The following GSDMC variants were observed in gnomAD, a reference collection of about 807,000 sequenced individuals.
GSDMC encodes the protein gasdermin-C.
GSDMC carries 59 observed loss-of-function variants against 58.0 expected under a neutral mutation model. The ratio of observed to expected loss-of-function variants is 1.02; its 90% confidence interval spans 0.82 to 1.26. The LOEUF (loss-of-function observed/expected upper bound fraction) is 1.26, where lower values mean the gene tolerates loss of function less well. Among genes scored for constraint, GSDMC ranks in the 50% most tolerant of loss-of-function variants. GSDMC has a pLI of 0.00. For missense variants in GSDMC, 659 were observed against 598.5 expected (o/e 1.10, Z -1.06); for synonymous variants, 241 against 220.2 (o/e 1.09, Z -0.83).
At chr8:129,760,792 A>G (rs1264607530) in intron 5 of GSDMC, among the ~76,000 whole-genome samples, 2 of 152,104 alleles carry the variant, frequency 1.3e-5, no homozygotes, top group Non-Finnish European at 2.9e-5. Context: ...TTGCCATCCA[A>G]CTTTTGGAAA....
chr8:129,764,068 A>C (rs1197885703), intron 4 of GSDMC, among the ~76,000 whole-genome samples: 1 of 152,234 alleles, frequency 6.6e-6, no homozygotes, highest in Non-Finnish European at 1.5e-5. Flanking sequence ...ATAAAATATT[A>C]TCTCTTAAAG....
At chr8:129,751,258 G>T (rs2033178914) in intron 10 of GSDMC, among the ~76,000 whole-genome samples, 1 of 152,168 alleles carries the variant, frequency 6.6e-6, no homozygotes, top group Non-Finnish European at 1.5e-5. Flanking sequence ...TCTCCCAGGA[G>T]ACATCTGGCT....
At chr8:129,738,463 T>A in the GSDMC span, among the ~76,000 whole-genome samples, 15 of 152,316 alleles carry the variant, frequency 9.8e-5, no homozygotes, top group East Asian at 2.7e-3. Context: ...CAACATGGAA[T>A]ACTATGCAGC....
chr8:129,736,999 GACAA>G, the GSDMC span, among the ~76,000 whole-genome samples: 13 of 152,094 alleles, frequency 8.5e-5, no homozygotes, highest in South Asian at 4.2e-4. Flanking sequence ...ACCAATAACA[GACAA>G]ACAAAGAGCC....
At chr8:129,728,908 A>G in the GSDMC span, 2 of 661,980 alleles carry the variant, frequency 3.0e-6, no homozygotes, top group African/African-American at 3.5e-5. Flanking sequence ...GCAGGGTCTG[A>G]AGCCCATTTG....
chr8:129,731,631 A>G, the GSDMC span, among the ~76,000 whole-genome samples: 1 of 152,154 alleles, frequency 6.6e-6, no homozygotes, highest in African/African-American at 2.4e-5. Flanking sequence ...TTGGAAGAGG[A>G]CAGTCTTTTT....
chr8:129,761,845 C>G (rs974074605), intron 5 of GSDMC, among the ~76,000 whole-genome samples: 2 of 152,160 alleles, frequency 1.3e-5, no homozygotes, highest in Non-Finnish European at 2.9e-5. Context: ...TCTATGGCCA[C>G]TGATGGGAGG....
the GSDMC span, among the ~76,000 whole-genome samples, chr8:129,723,736 A>T: frequency 2.0e-5 from 3 of 152,230 alleles, no homozygotes; most frequent in Non-Finnish European, 4.4e-5. Context: ...ACTTGAATCA[A>T]GGGCAGTTGC....
intron 11 of GSDMC, 77 bp downstream of exon 11, chr8:129,750,354 G>A (rs1428050146): frequency 7.2e-7 from 1 of 1,391,470 alleles, no homozygotes; most frequent in Non-Finnish European, 9.8e-7. Flanking sequence ...CCTCCTCCAT[G>A]TAACTTGGGA....
the GSDMC span, among the ~76,000 whole-genome samples, chr8:129,743,145 TTGG>T: frequency 6.6e-6 from 1 of 152,142 alleles, no homozygotes; most frequent in African/African-American, 2.4e-5. Context: ...TCTGTGGAGT[TTGG>T]TTTTTATTAC....
Position 129,776,089 on chromosome 8 carries a change from C to T in GSDMC, c.404+13G>A. The T allele has an allele frequency of 6.2e-7, 1 of 1,606,106 alleles. No individual in the cohort carries two copies. Among genetic ancestry groups the T allele is most frequent in the Non-Finnish European group, 8.5e-7 (1 of 1,174,278 alleles). On this transcript the variant is annotated intron_variant, in intron 3 of 13. Transcript: ENST00000276708. ...TACTGATGATCCATCCCCTTCCTCT[C>T]CCATGGCCTCACCTTTTTTGAAAGT... is the stretch of plus-strand genomic sequence containing the variant.
At chr8:129,757,141 A>G (rs1379001138) in intron 6 of GSDMC, among the ~76,000 whole-genome samples, 1 of 152,016 alleles carries the variant, frequency 6.6e-6, no homozygotes, top group Non-Finnish European at 1.5e-5. Flanking sequence ...AGATATACAA[A>G]ATTGACAAAA....
At chr8:129,717,210 C>A in the GSDMC span, among the ~76,000 whole-genome samples, 3 of 148,386 alleles carry the variant, frequency 2.0e-5, no homozygotes, top group Non-Finnish European at 4.4e-5. Context: ...TTCTCTTTTA[C>A]CTCTGGTAGA....
At chr8:129,729,721 T>C in the GSDMC span, 33 of 546,472 alleles carry the variant, frequency 6.0e-5, no homozygotes, top group South Asian at 5.7e-4. Flanking sequence ...TGATGGACAT[T>C]TGGGTTGGTT....
At chr8:129,749,376 T>C (rs2033075489) in intron 13 of GSDMC, 76 bp downstream of exon 13, 2 of 1,078,270 alleles carry the variant, frequency 1.9e-6, no homozygotes, top group South Asian at 1.3e-5. Flanking sequence ...TCATCTCTCT[T>C]TCCTCAGAAT....
chr8:129,721,811 T>A, the GSDMC span, among the ~76,000 whole-genome samples: 11 of 152,222 alleles, frequency 7.2e-5, no homozygotes, highest in East Asian at 2.1e-3. Context: ...AGAGGATACC[T>A]CACTCATGGT....
rs79403769 is a variant in GSDMC at position 129,776,220 on chromosome 8, C to T, written c.286G>A (p.Gly96Ser). The change falls in exon 3 of 14, where the codon GGT becomes AGT. Residue 96 changes from glycine (G) to serine (S), a missense_variant. Transcript: ENST00000276708. ...CTCACTTCTATACCAACATTCACAC[C>T]CATGTCAGCCTTATGCTTCTGGATC... ...IMIQKHKADM[G>S]VNVGIEVSVS... 4.3e-6 allele frequency: 7 copies of T among 1,613,780 alleles called. No homozygotes were observed. The highest frequency in any genetic ancestry group is 3.3e-5 in the South Asian group (3 of 91,072).
In GSDMC at chr8:129,777,569, G is replaced by T. The variant is rs369692449; in HGVS notation, c.19C>A (p.Arg7Ser). The T allele has an allele frequency of 1.3e-6, 2 of 1,596,972 alleles. No individual in the cohort carries two copies. Among genetic ancestry groups the T allele is most frequent in the African/African-American group, 2.7e-5 (2 of 74,600 alleles). The change falls in exon 2 of 14, where the codon CGC becomes AGC. Residue 7 changes from arginine to serine, a missense_variant. By Grantham distance (110) the Arg-to-Ser change is moderately radical. Transcript: ENST00000276708. ...TCTTTGACCAAATTTTTGCTAATGC[G>T]TTCCAACATGGAGGGCATGTTGCTA... MPSMLE[R>S]ISKNLVKEIG... is the part of the protein sequence containing the mutation.
chr8:129,756,873 C>G (rs750545810), intron 6 of GSDMC, among the ~76,000 whole-genome samples: 2 of 151,858 alleles, frequency 1.3e-5, no homozygotes, highest in Non-Finnish European at 2.9e-5. Flanking sequence ...AATGGAAACA[C>G]AACATACCAA....
Sources: allele counts gnomAD v4.1 joint callset (sites outside exome capture counted in the v4.1 genomes callset), GRCh38; gene constraint gnomAD v4.1.1; transcripts MANE v1.5; gene names NCBI Gene and HGNC (gene_info 2026-07-23, HGNC 2026-07-21).